Variants in PDIA3 observed in about 807,000 individuals in gnomAD.
PDIA3 encodes protein disulfide-isomerase A3.
Under a neutral mutation model 56.9 loss-of-function variants are expected in PDIA3, and 16 were observed. The ratio of observed to expected loss-of-function variants is 0.28; its 90% CI spans 0.19 to 0.43. PDIA3 has a LOEUF of 0.43. PDIA3 is among the 20% of genes least tolerant of loss of function. The pLI is 1.00. For missense variants in PDIA3, 485 were observed against 621.3 expected, an observed-to-expected ratio of 0.78 and a Z score of 2.33; for synonymous variants, 192 against 216.5, an observed-to-expected ratio of 0.89 and a Z score of 0.99.
chr15:43,759,812 A>G (rs1344819915), intron 3 of PDIA3, among the ~76,000 whole-genome samples: 1 of 152,086 alleles, frequency 6.6e-6, no homozygotes, highest in Non-Finnish European at 1.5e-5. Flanking sequence ...AGGGCCAGGC[A>G]TGGTGGCTCA....
At chr15:43,753,951 G>C (rs2141646019) in intron 2 of PDIA3, 49 bp downstream of exon 2, 1 of 1,266,432 alleles carries the variant, frequency 7.9e-7, no homozygotes. Flanking sequence ...ATTTTAAAAA[G>C]TAGTTTGTTG....
rs1234032703 is a variant in PDIA3, at chr15:43,770,564, A to C, written c.1388A>C (p.Asn463Thr). ...IYFSPANKKL[N>T]PKKYEGGREL... is the part of the protein sequence containing the mutation. ...TTCTCTCCAGCCAACAAGAAGCTAA[A>C]TCCAAAGAAATATGAAGTAAGTGAA... The change falls in exon 12 of 13, where the codon AAT (asparagine) becomes ACT (threonine). Residue 463 changes from asparagine (N) to threonine (T), a missense_variant. Physicochemically the swap from Asn to Thr is moderately conservative, Grantham distance 65. Transcript: ENST00000300289. The C allele has an allele frequency of 6.2e-7, 1 of 1,609,620 alleles. No homozygotes were observed. Among genetic ancestry groups the C allele is most frequent in the East Asian group, 2.2e-5 (1 of 44,868 alleles).
chr15:43,747,024 G>A, intron 1 of PDIA3: 1 of 392,446 alleles, frequency 2.5e-6, no homozygotes, highest in Non-Finnish European at 4.7e-6. Flanking sequence ...TATCTTTTCT[G>A]CGTGAGTCAG....
rs1386517029 is a variant in PDIA3, at chr15:43,746,522, C to T, written c.-18C>T. The T allele has an allele frequency of 6.3e-7, 1 of 1,576,708 alleles. No homozygotes were observed. Among genetic ancestry groups the T allele is most frequent in the Admixed American group, 1.8e-5 (1 of 56,370 alleles). On this transcript the variant is annotated 5_prime_UTR_variant, in exon 1 of 13. Transcript: ENST00000300289. ...CGAGCCGCGACCCTTCCGGCCGTCC[C>T]CACCCCACCTCGCCGCCATGCGCCT... is the stretch of plus-strand genomic sequence containing the variant.
At chr15:43,750,479 T>C (rs2086736570) in intron 1 of PDIA3, among the ~76,000 whole-genome samples, 6 of 151,942 alleles carry the variant, frequency 3.9e-5, no homozygotes, top group Admixed American at 3.9e-4. Context: ...TGTTAATATG[T>C]AATATTAAGT....
chr15:43,753,012 C>T (rs1218236842), intron 1 of PDIA3: 2 of 383,398 alleles, frequency 5.2e-6, no homozygotes, highest in Middle Eastern at 8.3e-4. Flanking sequence ...CTGTAAAAAT[C>T]AGGCCTGCCA....
chr15:43,746,480 A>T lies in PDIA3; in HGVS notation c.-60A>T. On this transcript the variant is annotated 5_prime_UTR_variant, in exon 1 of 13. Transcript: ENST00000300289. ...CAGCGGGTTAGTGGTCGCGCGCCCG[A>T]CCTCCGCAGTCCCAGCCGAGCCGCG... is the stretch of plus-strand genomic sequence containing the variant. The T allele has an allele frequency of 7.1e-7, 1 of 1,409,174 alleles. No individual in the cohort carries two copies. Among genetic ancestry groups the T allele is most frequent in the South Asian group, 1.4e-5 (1 of 70,746 alleles). The allele number at this position is 1,409,174 out of a possible 1,614,324, so 87.3% of individuals were successfully genotyped here.
chr15:43,763,071 G>A lies in PDIA3; in HGVS notation c.473-6G>A, dbSNP rs77764538. 6.2e-7 allele frequency: 1 copy of A among 1,613,552 alleles called. No homozygotes were observed. The highest frequency in any genetic ancestry group is 2.2e-5 in the East Asian group (1 of 44,860). On this transcript the variant is annotated splice_region_variant and splice_polypyrimidine_tract_variant and intron_variant, in intron 4 of 12. Coordinates refer to ENST00000300289, the MANE Select transcript of PDIA3 (RefSeq NM_005313.5). The stretch of plus-strand genomic sequence containing the variant: ...TTCTTCCTTGTGTTTAATATTTTCT[G>A]TATAGGTTTTTTCGATGATTCATTC...
At position 43,772,623 on chromosome 15, in the gene PDIA3, T is replaced by A. The variant is rs925010627; in HGVS notation, c.*1405T>A. The A allele has an allele frequency of 6.6e-6, 1 of 152,364 alleles. No homozygotes were observed. The highest frequency in any genetic ancestry group is 6.5e-5 in the Admixed American group (1 of 15,292). The allele number at this position is 152,364 out of a possible 1,614,324, so 9.4% of individuals were successfully genotyped here. A position where few individuals can be genotyped will look rare whatever the true frequency, so the allele number is the denominator to read the frequency against. On this transcript the variant is annotated 3_prime_UTR_variant, in exon 13 of 13. Coordinates refer to ENST00000300289, the MANE Select transcript of PDIA3 (RefSeq NM_005313.5). ...CAAAGGACACAGAAGCAGTCAGTTT[T>A]AATTTTTTAGCCATGTTGGTAAAAG... is the stretch of plus-strand genomic sequence containing the variant.
chr15:43,770,754 G>A (rs1337722376), intron 12 of PDIA3, among the ~76,000 whole-genome samples, 174 bp downstream of exon 12: 2 of 152,142 alleles, frequency 1.3e-5, no homozygotes, highest in African/African-American at 4.8e-5. Context: ...CCGTTCAAGC[G>A]ATTCTCCTGC....
intron 1 of PDIA3, among the ~76,000 whole-genome samples, chr15:43,750,600 C>T (rs998214429): frequency 1.5e-4 from 22 of 150,358 alleles, no homozygotes; most frequent in Admixed American, 4.0e-4. Context: ...ATGGTGAAAC[C>T]CCGTCTCTAC....
intron 3 of PDIA3, among the ~76,000 whole-genome samples, chr15:43,758,148 G>C (rs1301365093): frequency 6.6e-6 from 1 of 151,842 alleles, no homozygotes; most frequent in Non-Finnish European, 1.5e-5. Flanking sequence ...TGAGGCAGGA[G>C]AATCGCTTGA....
chr15:43,758,815 A>T lies in PDIA3; in HGVS notation c.364+2049A>T, dbSNP rs546087357. The stretch of plus-strand genomic sequence containing the variant: ...ACATGGTGAAACCATGTCTCCACCA[A>T]AAAATACAAAAATTAGCTGGGCGTG... On this transcript the variant is annotated intron_variant, in intron 3 of 12. Transcript: ENST00000300289. Among the ~76,000 whole-genome samples, 197 of 151,924 alleles carry T rather than the reference A, an allele frequency of 1.3e-3. 2 individuals are homozygous for T. The highest frequency in any genetic ancestry group is 4.5e-3 in the African/African-American group (188 of 41,414).
rs1380261977 is a variant in PDIA3 at position 43,762,967 on chromosome 15, C to A, written c.473-110C>A. 5.4e-6 allele frequency: 6 copies of A among 1,119,126 alleles called. No individual in the cohort carries two copies. In the East Asian group the frequency reaches 1.5e-4, roughly 28 times the overall value. 69.3% of individuals were successfully genotyped at this position (1,119,126 alleles called of 1,614,324 possible). A position where few individuals can be genotyped will look rare whatever the true frequency, so the allele number is the denominator to read the frequency against. On this transcript the variant is annotated intron_variant, in intron 4 of 12. Transcript: ENST00000300289. ...TAGTCATGGCAAAGCAGACCCAGTCCTCAAAATAGAATGAAATGTTTATGG... is the reference window on the plus strand; with the variant it reads ...TAGTCATGGCAAAGCAGACCCAGTCATCAAAATAGAATGAAATGTTTATGG...
intron 1 of PDIA3, among the ~76,000 whole-genome samples, chr15:43,748,194 G>T (rs2086719089): frequency 6.6e-6 from 1 of 152,100 alleles, no homozygotes; most frequent in African/African-American, 2.4e-5. Context: ...AAGGAATTTT[G>T]GGGCTGGGCA....
chr15:43,768,622 G>A (rs754104516), intron 9 of PDIA3, 25 bp downstream of exon 9: 5 of 1,445,874 alleles, frequency 3.5e-6, no homozygotes, highest in Non-Finnish European at 4.9e-6. Flanking sequence ...GCCTCATCAA[G>A]CTATGAGCAA....
Position 43,771,632 on chromosome 15 carries a change from A to ACCGAG in PDIA3, c.*414_*415insCCGAG. 2 of 409,148 alleles carry ACCGAG rather than the reference A, an allele frequency of 4.9e-6. No individual in the cohort carries two copies. Among genetic ancestry groups the ACCGAG allele is most frequent in the Non-Finnish European group, 8.6e-6 (2 of 232,690 alleles). The allele number at this position is 409,148 out of a possible 1,614,324, so 25.3% of individuals were successfully genotyped here. ...TTCTTCAGTGATGGAAATGCTCTGT[A>ACCGAG]ATCTACACTGTTCAGTACAGGTAGC... On this transcript the variant is annotated 3_prime_UTR_variant, in exon 13 of 13. Coordinates refer to ENST00000300289, the MANE Select transcript of PDIA3 (RefSeq NM_005313.5).
chr15:43,765,305 T>C (rs763218172), intron 5 of PDIA3, 145 bp from the exon 6 acceptor site: 7 of 659,676 alleles, frequency 1.1e-5, no homozygotes, highest in Middle Eastern at 8.7e-4. Context: ...CACTTGAGCC[T>C]AGGAGTTCAA....
rs1213449266 is a variant in PDIA3 at position 43,746,442 on chromosome 15, G to A, written c.-98G>A. On this transcript the variant is annotated 5_prime_UTR_variant, in exon 1 of 13. Transcript: ENST00000300289. The stretch of plus-strand genomic sequence containing the variant: ...GGCTGCAGGTCCGCCTGGGCCAGAC[G>A]CGCGAGCGCAAGCAGCGGGTTAGTG... 1.6e-6 allele frequency: 2 copies of A among 1,237,936 alleles called. No individual in the cohort carries two copies. The highest frequency in any genetic ancestry group is 3.3e-5 in the Admixed American group (1 of 30,406). The allele number at this position is 1,237,936 out of a possible 1,614,324, so 76.7% of individuals were successfully genotyped here.
Sources: allele counts gnomAD v4.1 joint callset (sites outside exome capture counted in the v4.1 genomes callset), GRCh38; gene constraint gnomAD v4.1.1; transcripts MANE v1.5; gene names NCBI Gene and HGNC (gene_info 2026-07-23, HGNC 2026-07-21).